Variants in PKNOX2 observed in about 807,000 individuals in gnomAD.
PKNOX2 encodes the protein homeobox protein PKNOX2.
PKNOX2 carries 14 observed loss-of-function variants against 53.1 expected under a neutral mutation model. The ratio of observed to expected loss-of-function variants is 0.26; its 90% CI spans 0.17 to 0.41. PKNOX2 has a LOEUF of 0.41. Ranked by LOEUF, PKNOX2 falls within the 10% of genes least tolerant of loss-of-function variation. PKNOX2 has a pLI of 1.00. For synonymous variants in PKNOX2, 257 were observed against 242.8 expected (o/e 1.06, Z -0.54); for missense variants, 496 against 602.8 (o/e 0.82, Z 1.85).
chr11:125,360,247 G>C (rs1407833336), intron 4 of PKNOX2, among the ~76,000 whole-genome samples: 1 of 152,136 alleles, frequency 6.6e-6, no homozygotes, highest in Non-Finnish European at 1.5e-5. Context: ...TGGGAGGTGT[G>C]TGGGGGTTTA....
chr11:125,265,954 G>C (rs1945305453), intron 2 of PKNOX2, among the ~76,000 whole-genome samples: 1 of 152,180 alleles, frequency 6.6e-6, no homozygotes, highest in Non-Finnish European at 1.5e-5. Context: ...CGCCCATCAG[G>C]AGACAGCTGT....
intron 1 of PKNOX2, among the ~76,000 whole-genome samples, chr11:125,169,706 T>A (rs567126352): frequency 3.0e-4 from 46 of 152,210 alleles, no homozygotes; most frequent in African/African-American, 1.1e-3. Context: ...GTAAAAAAAA[T>A]GGGAGATAGA....
intron 10 of PKNOX2, among the ~76,000 whole-genome samples, chr11:125,413,283 A>C (rs1297665961): frequency 2.0e-5 from 3 of 152,232 alleles, no homozygotes; most frequent in African/African-American, 7.2e-5. Context: ...GCCCCGCAGC[A>C]GGTCCAGCCT....
At position 125,263,277 on chromosome 11, in the gene PKNOX2, C is replaced by G. The variant is rs575077005; in HGVS notation, c.-130+28162C>G. ...AGAGCCAAGCTCCCCCACCCCACCCCCATCCTGCCAGGGCAGGCTCAGCCG... is the reference window on the plus strand; with the variant it reads ...AGAGCCAAGCTCCCCCACCCCACCCGCATCCTGCCAGGGCAGGCTCAGCCG... On this transcript the variant is annotated intron_variant, in intron 2 of 12. Transcript: ENST00000298282. 4.0e-4 allele frequency among the ~76,000 whole-genome samples: 61 copies of G among 152,384 alleles called. No individual in the cohort carries two copies. The East Asian group carries it at 0.011, about 27-fold the overall frequency.
At chr11:125,325,521 C>T (rs145594051) in intron 2 of PKNOX2, among the ~76,000 whole-genome samples, 27 of 152,232 alleles carry the variant, frequency 1.8e-4, no homozygotes, top group Non-Finnish European at 2.8e-4. Context: ...CTAACAGAGC[C>T]GAGTCTCAGA....
chr11:125,320,956 A>G (rs112135285), intron 2 of PKNOX2, among the ~76,000 whole-genome samples: 75 of 152,006 alleles, frequency 4.9e-4, no homozygotes, highest in African/African-American at 1.7e-3. Flanking sequence ...TCTCAAAATT[A>G]CTCCAGTTTG....
At chr11:125,360,292 T>G in intron 4 of PKNOX2, among the ~76,000 whole-genome samples, 1 of 149,818 alleles carries the variant, frequency 6.7e-6, no homozygotes, top group Admixed American at 6.7e-5. Context: ...TGCAGAGGAG[T>G]GGGGGCACTG....
At position 125,404,884 on chromosome 11, in the gene PKNOX2, C is replaced by T. The variant is rs190751092; in HGVS notation, c.589-5312C>T. On this transcript the variant is annotated intron_variant, in intron 7 of 12. Transcript: ENST00000298282. ...GGGAGGCTTTGAAGAGTCCAGAGGACGGGCCGCGGCTGTGCCCTGGAGAGG... is the reference window on the plus strand; with the variant it reads ...GGGAGGCTTTGAAGAGTCCAGAGGATGGGCCGCGGCTGTGCCCTGGAGAGG... Among the ~76,000 whole-genome samples the T allele has an allele frequency of 1.4e-3, 206 of 152,318 alleles. 1 individual carries two copies. The highest frequency in any genetic ancestry group is 8.7e-3 in the South Asian group (42 of 4,824).
chr11:125,332,645 G>A (rs894825445), intron 3 of PKNOX2: 4 of 151,996 alleles, frequency 2.6e-5, no homozygotes, highest in Admixed American at 6.6e-5. Flanking sequence ...GATCTGTTAT[G>A]GTGAGATTGG....
intron 2 of PKNOX2, among the ~76,000 whole-genome samples, chr11:125,309,945 T>A (rs79662460): frequency 0.033 from 5,053 of 152,302 alleles, 191 homozygotes; most frequent in East Asian, 0.2. Flanking sequence ...CCAACATTGA[T>A]TGGAGACAAT....
chr11:125,335,240 TTC>T (rs1172013941), intron 3 of PKNOX2, among the ~76,000 whole-genome samples: 1 of 152,180 alleles, frequency 6.6e-6, no homozygotes, highest in Non-Finnish European at 1.5e-5. Flanking sequence ...CCCTGTAGGA[TTC>T]TCTCTCTGCA....
chr11:125,286,487 C>T (rs1381258767), intron 2 of PKNOX2, among the ~76,000 whole-genome samples: 5 of 152,222 alleles, frequency 3.3e-5, no homozygotes, highest in South Asian at 2.1e-4. Flanking sequence ...TGCTAGCCTA[C>T]GTAAGCCTAT....
chr11:125,168,582 T>C (rs1955053378), intron 1 of PKNOX2, among the ~76,000 whole-genome samples: 1 of 152,036 alleles, frequency 6.6e-6, no homozygotes, highest in Non-Finnish European at 1.5e-5. Flanking sequence ...TGCACCAGAG[T>C]GTGTGTTAAA....
intron 1 of PKNOX2, among the ~76,000 whole-genome samples, chr11:125,181,773 C>T (rs898985260): frequency 4.6e-5 from 7 of 152,178 alleles, no homozygotes; most frequent in Non-Finnish European, 1.0e-4. Flanking sequence ...AAATGGTCTC[C>T]AAGATGCCAA....
intron 1 of PKNOX2, among the ~76,000 whole-genome samples, chr11:125,228,613 T>A (rs2135537619): frequency 6.6e-6 from 1 of 152,310 alleles, no homozygotes; most frequent in African/African-American, 2.4e-5. Context: ...GGTCTGCTAC[T>A]TTCCCTGGAG....
intron 5 of PKNOX2, among the ~76,000 whole-genome samples, chr11:125,378,251 G>A (rs1952960757): frequency 6.6e-6 from 1 of 152,182 alleles, no homozygotes; most frequent in South Asian, 2.1e-4. Context: ...GCATAGGTTG[G>A]TAGCCAGAGC....
intron 2 of PKNOX2, among the ~76,000 whole-genome samples, chr11:125,323,933 A>T (rs1227079168): frequency 2.0e-5 from 3 of 150,760 alleles, no homozygotes; most frequent in Non-Finnish European, 4.4e-5. Flanking sequence ...AAAAAAATAT[A>T]TATCTCATTT....
intron 7 of PKNOX2, among the ~76,000 whole-genome samples, chr11:125,405,503 C>T (rs1187250671): frequency 1.3e-5 from 2 of 152,158 alleles, no homozygotes; most frequent in Admixed American, 6.5e-5. Context: ...CCCTGCACCC[C>T]CCACTTCCAA....
chr11:125,224,498 G>C, intron 1 of PKNOX2, among the ~76,000 whole-genome samples: 1 of 152,262 alleles, frequency 6.6e-6, no homozygotes, highest in East Asian at 1.9e-4. Flanking sequence ...GCCGAGGCCT[G>C]TGCTGTGAAC....
Sources: allele counts gnomAD v4.1 joint callset (sites outside exome capture counted in the v4.1 genomes callset), GRCh38; gene constraint gnomAD v4.1.1; transcripts MANE v1.5; gene names NCBI Gene and HGNC (gene_info 2026-07-23, HGNC 2026-07-21).